Variants in KIFAP3 observed in about 807,000 individuals in gnomAD.
The protein encoded by KIFAP3 is kinesin associated protein 3, also known as kinesin-associated protein 3.
A neutral mutation model predicts 106.5 loss-of-function variants in KIFAP3; 68 were observed. The ratio of observed to expected loss-of-function variants is 0.64; its 90% confidence interval spans 0.53 to 0.78. The LOEUF is 0.78. Ranked by LOEUF, KIFAP3 falls within the 30% of genes least tolerant of loss-of-function variation. The pLI is 0.00. For synonymous variants in KIFAP3, 320 were observed against 311.5 expected (o/e 1.03, Z -0.29); for missense variants, 780 against 941.8 (o/e 0.83, Z 2.25).
chr1:170,077,878 C>T (rs75165267), upstream of KIFAP3, among the ~76,000 whole-genome samples: 9,611 of 148,546 alleles, frequency 0.065, 386 homozygotes, highest in Non-Finnish European at 0.095. Context: ...TTTTGTTTTT[C>T]GGTCCTGTTT....
chr1:170,044,054 A>G (rs925228229), intron 3 of KIFAP3, among the ~76,000 whole-genome samples: 4 of 152,160 alleles, frequency 2.6e-5, no homozygotes, highest in African/African-American at 9.7e-5. Context: ...TCTGCTGGGA[A>G]CCCAAATCCC....
At chr1:169,984,192 T>C (rs566809896) in intron 12 of KIFAP3, among the ~76,000 whole-genome samples, 1 of 151,936 alleles carries the variant, frequency 6.6e-6, no homozygotes, top group African/African-American at 2.4e-5. Flanking sequence ...GCAAAAACTA[T>C]CGGGCAGACT....
chr1:170,076,279 G>A (rs1671909024), upstream of KIFAP3, among the ~76,000 whole-genome samples: 1 of 152,236 alleles, frequency 6.6e-6, no homozygotes, highest in Non-Finnish European at 1.5e-5. Flanking sequence ...GAGAGAGCTG[G>A]AAACCAGAGC....
chr1:169,953,169 T>A (rs1325789359), intron 19 of KIFAP3, among the ~76,000 whole-genome samples: 1 of 152,120 alleles, frequency 6.6e-6, no homozygotes, highest in Non-Finnish European at 1.5e-5. Flanking sequence ...GGCGAGATTT[T>A]AAAAATCTAT....
chr1:169,945,413 A>G (rs1470152616), intron 19 of KIFAP3, among the ~76,000 whole-genome samples: 2 of 152,088 alleles, frequency 1.3e-5, no homozygotes, highest in Non-Finnish European at 2.9e-5. Flanking sequence ...TGGCCTGCCA[A>G]CTTGGCAGGG....
At chr1:169,974,640 T>C (rs1390453183) in intron 16 of KIFAP3, among the ~76,000 whole-genome samples, 1 of 151,888 alleles carries the variant, frequency 6.6e-6, no homozygotes, top group Admixed American at 6.6e-5. Flanking sequence ...CTGTCTCTTT[T>C]CTCCATTGGA....
In KIFAP3 at chr1:169,921,456, G is replaced by T. The variant is rs1311882230; in HGVS notation, c.*220C>A. On this transcript the variant is annotated 3_prime_UTR_variant, in exon 20 of 20. Transcript: ENST00000361580. The stretch of plus-strand genomic sequence containing the variant: ...TGTGGCTCATGGGAAATGTTACTTA[G>T]CATCAAGATGTGGTTTGATGAGTGA... 2 of 365,426 alleles carry T rather than the reference G, an allele frequency of 5.5e-6. No homozygotes were observed. The highest frequency in any genetic ancestry group is 1.0e-5 in the Non-Finnish European group (2 of 200,802). 22.6% of individuals were successfully genotyped at this position (365,426 alleles called of 1,614,324 possible). A position where few individuals can be genotyped will look rare whatever the true frequency, so the allele number is the denominator to read the frequency against.
At chr1:170,083,788 T>G (rs1432145899) in intron 1 of KIFAP3, among the ~76,000 whole-genome samples, 1 of 152,234 alleles carries the variant, frequency 6.6e-6, no homozygotes, top group Non-Finnish European at 1.5e-5. Flanking sequence ...TTAAGCACTC[T>G]GTGTGTACTT....
intron 18 of KIFAP3, among the ~76,000 whole-genome samples, chr1:169,957,476 C>T (rs1000565996): frequency 6.6e-6 from 1 of 152,092 alleles, no homozygotes; most frequent in African/African-American, 2.4e-5. Flanking sequence ...GTTGTCAACA[C>T]AGGTAATTTA....
intron 19 of KIFAP3, among the ~76,000 whole-genome samples, chr1:169,952,521 A>G (rs1315030244): frequency 6.6e-6 from 1 of 152,074 alleles, no homozygotes. Flanking sequence ...ATTAAGTTCA[A>G]ATATGAAAGG....
intron 9 of KIFAP3, among the ~76,000 whole-genome samples, chr1:170,023,327 A>G (rs377152850): frequency 6.6e-6 from 1 of 152,234 alleles, no homozygotes; most frequent in African/African-American, 2.4e-5. Context: ...ATCATTCACT[A>G]TAGTATTAGC....
chr1:170,084,251 A>G (rs1024772471), intron 1 of KIFAP3, among the ~76,000 whole-genome samples: 5 of 152,226 alleles, frequency 3.3e-5, no homozygotes, highest in African/African-American at 1.2e-4. Flanking sequence ...CAGATGCAGT[A>G]CAGTGCCTTC....
intron 17 of KIFAP3, among the ~76,000 whole-genome samples, chr1:169,963,026 G>A (rs1380841550): frequency 1.3e-5 from 2 of 152,096 alleles, no homozygotes; most frequent in Non-Finnish European, 2.9e-5. Context: ...TGTGTCATGG[G>A]GGTTTGGTGT....
intron 10 of KIFAP3, among the ~76,000 whole-genome samples, chr1:170,009,988 T>C (rs1348195405): frequency 6.6e-6 from 1 of 152,082 alleles, no homozygotes; most frequent in African/African-American, 2.4e-5. Flanking sequence ...GATAATCACA[T>C]TTGCTGAAGC....
chr1:169,939,594 G>A (rs1032771661), intron 19 of KIFAP3, among the ~76,000 whole-genome samples: 1 of 152,180 alleles, frequency 6.6e-6, no homozygotes, highest in African/African-American at 2.4e-5. Flanking sequence ...TGTGGTGGGT[G>A]CAGTTAGAAA....
chr1:169,963,884 A>C (rs1665467812), intron 17 of KIFAP3, among the ~76,000 whole-genome samples: 1 of 151,298 alleles, frequency 6.6e-6, no homozygotes, highest in African/African-American at 2.4e-5. Flanking sequence ...GTTGCATAAA[A>C]TTAAGAGCTA....
chr1:169,992,091 G>C (rs1279168170), intron 11 of KIFAP3, 64 bp downstream of exon 11: 3 of 718,548 alleles, frequency 4.2e-6, no homozygotes, highest in Non-Finnish European at 6.1e-6. Context: ...GACAAATCAA[G>C]AGAAAAGAGT....
At chr1:169,966,121 TTTC>T (rs1394696911) in intron 17 of KIFAP3, among the ~76,000 whole-genome samples, 1 of 151,910 alleles carries the variant, frequency 6.6e-6, no homozygotes, top group Non-Finnish European at 1.5e-5. Flanking sequence ...CTTTTAAGCA[TTTC>T]GTACTATAAA....
intron 15 of KIFAP3, 48 bp downstream of exon 15, chr1:169,981,924 C>A: frequency 7.0e-7 from 1 of 1,426,860 alleles, no homozygotes; most frequent in South Asian, 1.3e-5. Flanking sequence ...ATATTTAAAT[C>A]AATAAGCTGT....
Sources: gnomAD v4.1 joint callset for allele counts (sites outside exome capture counted in the v4.1 genomes callset) on GRCh38, gnomAD v4.1.1 for gene constraint, MANE v1.5 for transcripts, NCBI Gene and HGNC (gene_info 2026-07-23, HGNC 2026-07-21) for gene names.